The following HS2ST1 variants were observed in gnomAD, a reference collection of about 807,000 sequenced individuals.
HS2ST1 encodes heparan sulfate 2-O-sulfotransferase 1, also known as 2-O-sulfotransferase.
HS2ST1 carries 18 observed loss-of-function variants against 42.9 expected under a neutral mutation model. The observed-to-expected ratio is 0.42, with a 90% CI of 0.29 to 0.62. HS2ST1 has a LOEUF of 0.62. Among genes scored for constraint, HS2ST1 ranks in the 20% least tolerant of loss-of-function variants. HS2ST1 has a pLI of 0.21. For missense variants in HS2ST1, 334 were observed against 433.8 expected, an observed-to-expected ratio of 0.77 and a Z score of 2.04; for synonymous variants, 146 against 152.9, an observed-to-expected ratio of 0.95 and a Z score of 0.33.
At chr1:87,024,748 C>CT (rs1440186520) in intron 1 of HS2ST1, among the ~76,000 whole-genome samples, 3 of 152,200 alleles carry the variant, frequency 2.0e-5, no homozygotes, top group Non-Finnish European at 2.9e-5. Context: ...AATAGGAATA[C>CT]TTTTTTAGGT....
intron 3 of HS2ST1, among the ~76,000 whole-genome samples, chr1:87,086,345 G>T (rs968341381): frequency 2.6e-5 from 4 of 152,020 alleles, no homozygotes; most frequent in African/African-American, 9.7e-5. Context: ...ATCTGTGTGT[G>T]GTTGAAAAAA....
In HS2ST1 at chr1:86,931,262, A is replaced by G. The variant is rs1228384577; in HGVS notation, c.124+16102A>G. Reference sequence around the variant, plus strand: ...CTTGTCCTGAAAAAGAGTTGAAGAGATACACAGATGTGTTTGTGTAATGCG... The same window carrying G: ...CTTGTCCTGAAAAAGAGTTGAAGAGGTACACAGATGTGTTTGTGTAATGCG... On this transcript the variant is annotated intron_variant, in intron 1 of 6. Transcript: ENST00000370550. 2.0e-5 allele frequency among the ~76,000 whole-genome samples: 3 copies of G among 152,206 alleles called. No individual in the cohort carries two copies. In the East Asian group the frequency reaches 5.8e-4, roughly 29 times the overall value.
At position 86,926,676 on chromosome 1, in the gene HS2ST1, A is replaced by G. The variant is rs535887476; in HGVS notation, c.124+11516A>G. ...GTGAATCTTTGATTGTGTGTCCCCA[A>G]GTTGACTGAGGGGAAAGTAGTGAAG... On this transcript the variant is annotated intron_variant, in intron 1 of 6. Coordinates refer to ENST00000370550, the MANE Select transcript of HS2ST1 (RefSeq NM_012262.4). Among the ~76,000 whole-genome samples, 40 of 152,334 alleles carry G rather than the reference A, an allele frequency of 2.6e-4. No individual in the cohort carries two copies. In the South Asian group the frequency reaches 6.4e-3, roughly 24 times the overall value.
intron 1 of HS2ST1, among the ~76,000 whole-genome samples, chr1:86,917,216 A>C (rs185475983): frequency 1.3e-5 from 2 of 152,288 alleles, no homozygotes; most frequent in East Asian, 3.9e-4. Flanking sequence ...TAAAGTAAGA[A>C]CACCATTTAA....
intron 1 of HS2ST1, among the ~76,000 whole-genome samples, chr1:87,062,472 C>T (rs970203026): frequency 1.3e-5 from 2 of 152,068 alleles, no homozygotes; most frequent in Non-Finnish European, 2.9e-5. Flanking sequence ...TTTATTCTCC[C>T]TCACTTACAA....
chr1:87,069,058 C>T (rs1175618148), intron 1 of HS2ST1, among the ~76,000 whole-genome samples: 1 of 152,184 alleles, frequency 6.6e-6, no homozygotes, highest in African/African-American at 2.4e-5. Context: ...CAAACATCTT[C>T]ATCCTCATCA....
At chr1:87,070,325 T>A (rs1269943797) in intron 1 of HS2ST1, among the ~76,000 whole-genome samples, 1 of 152,196 alleles carries the variant, frequency 6.6e-6, no homozygotes, top group Non-Finnish European at 1.5e-5. Context: ...GTACAGTGGC[T>A]CACACCTACA....
intron 2 of HS2ST1, among the ~76,000 whole-genome samples, chr1:87,076,072 A>C (rs1182026327): frequency 6.6e-6 from 1 of 152,066 alleles, no homozygotes; most frequent in Non-Finnish European, 1.5e-5. Context: ...TGGTGATCTC[A>C]CTGAAATATT....
At chr1:86,929,142 A>G (rs1660483337) in intron 1 of HS2ST1, among the ~76,000 whole-genome samples, 1 of 151,936 alleles carries the variant, frequency 6.6e-6, no homozygotes, top group South Asian at 2.1e-4. Flanking sequence ...GTGAAGTTAA[A>G]TGATGTTCAA....
intron 1 of HS2ST1, among the ~76,000 whole-genome samples, chr1:87,033,798 C>T (rs1650300189): frequency 6.6e-6 from 1 of 152,192 alleles, no homozygotes; most frequent in Non-Finnish European, 1.5e-5. Context: ...CCAGCCTCGG[C>T]CTCCCAGAGT....
At chr1:87,072,340 A>G (rs1651432495) in intron 1 of HS2ST1, among the ~76,000 whole-genome samples, 1 of 152,170 alleles carries the variant, frequency 6.6e-6, no homozygotes, top group Non-Finnish European at 1.5e-5. Context: ...TTTTTAATTT[A>G]TAATTTATAA....
chr1:87,022,134 A>C (rs1399158739), intron 1 of HS2ST1, among the ~76,000 whole-genome samples: 1 of 152,228 alleles, frequency 6.6e-6, no homozygotes, highest in Non-Finnish European at 1.5e-5. Context: ...TTAATTTGAA[A>C]AAAACAGTCG....
At position 87,108,245 on chromosome 1, in the gene HS2ST1, T is replaced by A. The variant is rs1322319382; in HGVS notation, c.*3549T>A. 1 of 152,116 alleles carries A rather than the reference T, an allele frequency of 6.6e-6. No individual in the cohort carries two copies. Among genetic ancestry groups the A allele is most frequent in the African/African-American group, 2.4e-5 (1 of 41,442 alleles). 9.4% of individuals were successfully genotyped at this position (152,116 alleles called of 1,614,324 possible). ...CTGGTTCCCAAATGCATAGCTGGCA[T>A]TTTAATTTAAATTCAAATCTACATA... On this transcript the variant is annotated 3_prime_UTR_variant, in exon 7 of 7. Transcript: ENST00000370550.
At chr1:87,023,484 G>T (rs982782461) in intron 1 of HS2ST1, among the ~76,000 whole-genome samples, 4 of 151,626 alleles carry the variant, frequency 2.6e-5, no homozygotes, top group South Asian at 4.2e-4. Flanking sequence ...AAAAAGTAGG[G>T]TTTAGAATAG....
intron 1 of HS2ST1, among the ~76,000 whole-genome samples, chr1:86,994,762 A>T (rs1649051111): frequency 6.6e-6 from 1 of 152,146 alleles, no homozygotes; most frequent in Admixed American, 6.5e-5. Context: ...AATTTAATGA[A>T]CTAAAAAACA....
At position 87,017,159 on chromosome 1, in the gene HS2ST1, C is replaced by T. The variant is rs185078849; in HGVS notation, c.125-55775C>T. On this transcript the variant is annotated intron_variant, in intron 1 of 6. Transcript: ENST00000370550. ...TCTCTCTCTCCTTTCTTTTTTGCGA[C>T]GGAATCTCACTCTGTCACCCAGGCT... Among the ~76,000 whole-genome samples the T allele has an allele frequency of 8.6e-5, 13 of 151,944 alleles. No homozygotes were observed. The East Asian group carries it at 1.4e-3, about 16-fold the overall frequency.
At chr1:86,943,435 G>T (rs1647226131) in intron 1 of HS2ST1, among the ~76,000 whole-genome samples, 1 of 152,134 alleles carries the variant, frequency 6.6e-6, no homozygotes, top group African/African-American at 2.4e-5. Context: ...ATTCTTTTTA[G>T]TCCGGGTGCA....
intron 2 of HS2ST1, among the ~76,000 whole-genome samples, chr1:87,074,144 C>T (rs1043284198): frequency 6.6e-6 from 1 of 152,196 alleles, no homozygotes; most frequent in African/African-American, 2.4e-5. Context: ...TATGGTATGT[C>T]ATCTGCCCAT....
intron 1 of HS2ST1, among the ~76,000 whole-genome samples, chr1:86,989,712 C>A (rs1648887887): frequency 6.6e-6 from 1 of 152,146 alleles, no homozygotes; most frequent in Non-Finnish European, 1.5e-5. Context: ...TAATGCTATC[C>A]CTTGCCTAGC....
Sources: allele counts gnomAD v4.1 joint callset (sites outside exome capture counted in the v4.1 genomes callset), GRCh38; gene constraint gnomAD v4.1.1; transcripts MANE v1.5; gene names NCBI Gene and HGNC (gene_info 2026-07-23, HGNC 2026-07-21).